Variants in SEC24B observed in about 807,000 individuals in gnomAD.
SEC24B encodes protein transport protein Sec24B.
SEC24B carries 45 observed loss-of-function variants against 142.8 expected under a neutral mutation model. That is an observed-to-expected ratio of 0.32 (90% confidence interval 0.25 to 0.40). The LOEUF (loss-of-function observed/expected upper bound fraction) is 0.40, where lower values mean the gene tolerates loss of function less well. Among genes scored for constraint, SEC24B ranks in the 10% least tolerant of loss-of-function variants. SEC24B has a pLI of 1.00. For missense variants in SEC24B, 1,409 were observed against 1,526.8 expected (o/e 0.92, Z 1.29); for synonymous variants, 574 against 568.2 (o/e 1.01, Z -0.15).
intron 3 of SEC24B, among the ~76,000 whole-genome samples, chr4:109,479,377 G>A (rs950583390): frequency 6.6e-6 from 1 of 152,256 alleles, no homozygotes; most frequent in East Asian, 1.9e-4. Context: ...TGAGCTCTGG[G>A]AAAGGATGTC....
chr4:109,458,803 T>G (rs944568256), intron 1 of SEC24B, among the ~76,000 whole-genome samples: 1 of 151,750 alleles, frequency 6.6e-6, no homozygotes, highest in Admixed American at 6.6e-5. Flanking sequence ...TCGGGAAGAT[T>G]AAGATGATTT....
intron 1 of SEC24B, among the ~76,000 whole-genome samples, chr4:109,458,214 T>A (rs1730901952): frequency 6.6e-6 from 1 of 152,200 alleles, no homozygotes; most frequent in South Asian, 2.1e-4. Flanking sequence ...CATATTTATT[T>A]GTTTTATTTT....
chr4:109,460,073 T>C (rs1347473539), intron 1 of SEC24B, among the ~76,000 whole-genome samples: 1 of 152,130 alleles, frequency 6.6e-6, no homozygotes, highest in Non-Finnish European at 1.5e-5. Context: ...CCTAGTAAAA[T>C]AGCGTTATCA....
intron 17 of SEC24B, 63 bp from the exon 18 acceptor site, chr4:109,527,256 TTTG>T (rs1266909247): frequency 9.2e-7 from 1 of 1,085,400 alleles, no homozygotes; most frequent in Admixed American, 2.2e-5. Context: ...AAAAAAAGTA[TTTG>T]ACATGTTTGC....
intron 4 of SEC24B, among the ~76,000 whole-genome samples, chr4:109,483,003 C>CACACACACACACACATAT (rs1408633373): frequency 7.1e-5 from 6 of 84,104 alleles, no homozygotes; most frequent in South Asian, 3.4e-4. Flanking sequence ...CACACACACA[C>CACACACACACACACATAT]ATATTATACA....
chr4:109,502,343 A>C (rs1257490190), intron 6 of SEC24B, among the ~76,000 whole-genome samples: 10 of 152,212 alleles, frequency 6.6e-5, no homozygotes, highest in Admixed American at 6.5e-4. Context: ...TCTAATTTAC[A>C]TATTTAGAAA....
intron 4 of SEC24B, among the ~76,000 whole-genome samples, chr4:109,484,051 A>G (rs1275077165): frequency 6.6e-6 from 1 of 152,242 alleles, no homozygotes; most frequent in Admixed American, 6.5e-5. Context: ...ATGCAATAAT[A>G]TCTGATAACA....
chr4:109,449,116 A>G (rs1171206547), intron 1 of SEC24B, among the ~76,000 whole-genome samples: 4 of 152,210 alleles, frequency 2.6e-5, no homozygotes, highest in Non-Finnish European at 5.9e-5. Context: ...GGTTTACGTG[A>G]TACCAGCTTG....
At chr4:109,461,448 A>G (rs1036099789) in intron 1 of SEC24B, among the ~76,000 whole-genome samples, 2 of 152,238 alleles carry the variant, frequency 1.3e-5, no homozygotes, top group East Asian at 3.8e-4. Context: ...ATATTCATCA[A>G]TGGAGATTTG....
Position 109,478,127 on chromosome 4 carries a change from T to TA in SEC24B, c.1061-3541dup, listed in dbSNP as rs937762427. Among the ~76,000 whole-genome samples, 12 of 150,824 alleles carry TA rather than the reference T, an allele frequency of 8.0e-5. 1 individual carries two copies. The South Asian group carries it at 1.0e-3, about 13-fold the overall frequency. ...TGAAACCTCATCTCTACCAAAAATGTAAAAAAAAATTAGCTGGGCGTGATG... is the reference window on the plus strand; with the variant it reads ...TGAAACCTCATCTCTACCAAAAATGTAAAAAAAAAATTAGCTGGGCGTGATG... On this transcript the variant is annotated intron_variant, in intron 3 of 23. Transcript: ENST00000265175.
chr4:109,462,943 T>C lies in SEC24B; in HGVS notation c.176T>C (p.Leu59Ser). 1 of 1,612,680 alleles carries C rather than the reference T, an allele frequency of 6.2e-7. No individual in the cohort carries two copies. Among genetic ancestry groups the C allele is most frequent in the Non-Finnish European group, 8.5e-7 (1 of 1,179,990 alleles). ...NQMQVPSGYGLHHQNYIAPSG... is the reference protein window; with the variant it reads ...NQMQVPSGYGSHHQNYIAPSG... ...ATGCAGGTTCCATCTGGATATGGAT[T>C]GCATCATCAAAACTATATTGCTCCC... Residue 59 changes from leucine to serine, a missense_variant, in exon 2 of 24, where the codon TTG becomes TCG. Leu to Ser is a moderately radical substitution (Grantham distance 145, BLOSUM62 -2). Around this residue, in one of 2 missense-constraint regions of SEC24B, gnomAD observed 709 missense variants for 673.5 expected, o/e 1.05. Transcript: ENST00000265175.
At chr4:109,533,714 T>G (rs746775713) in intron 22 of SEC24B, 29 bp downstream of exon 22, 1 of 1,266,422 alleles carries the variant, frequency 7.9e-7, no homozygotes, top group South Asian at 1.3e-5. Context: ...CCTTTAACTT[T>G]TTGTTTGCTC....
At position 109,433,860 on chromosome 4, in the gene SEC24B, C is replaced by T. The variant is rs1728094906; in HGVS notation, c.-10C>T. ...CCTGAAGCGGAGCCGCCGTCGCCAC[C>T]AGCGCCGTCATGTCGGCCCCCGCCG... On this transcript the variant is annotated 5_prime_UTR_variant, in exon 1 of 24. Coordinates refer to ENST00000265175, the MANE Select transcript of SEC24B (RefSeq NM_006323.5). 2 of 1,323,606 alleles carry T rather than the reference C, an allele frequency of 1.5e-6. No homozygotes were observed. The highest frequency in any genetic ancestry group is 3.2e-5 in the East Asian group (1 of 30,882). The allele number at this position is 1,323,606 out of a possible 1,614,324, so 82.0% of individuals were successfully genotyped here.
intron 2 of SEC24B, 49 bp from the exon 3 acceptor site, chr4:109,472,955 T>TATTA (rs1180373224): frequency 1.1e-6 from 1 of 917,126 alleles, no homozygotes; most frequent in East Asian, 2.9e-5. Flanking sequence ...CTATATTATA[T>TATTA]ATTAATATAT....
chr4:109,494,371 T>C (rs1281269138), intron 5 of SEC24B, among the ~76,000 whole-genome samples: 1 of 151,566 alleles, frequency 6.6e-6, no homozygotes, highest in Non-Finnish European at 1.5e-5. Flanking sequence ...TAAAAAGGAA[T>C]AAAAAAAAGA....
rs1236753722 is a variant in SEC24B at position 109,455,987 on chromosome 4, A to C, written c.134-6914A>C. On this transcript the variant is annotated intron_variant, in intron 1 of 23. Transcript: ENST00000265175. ...TCAAAATTGAGATAAGTTACATCAT[A>C]ATATCAAGTCTTCTAATCCATGAAC... 2.6e-5 allele frequency among the ~76,000 whole-genome samples: 4 copies of C among 152,340 alleles called. No homozygotes were observed. The East Asian group carries it at 7.7e-4, about 29-fold the overall frequency.
intron 23 of SEC24B, among the ~76,000 whole-genome samples, chr4:109,538,873 C>T (rs1316178103): frequency 1.3e-5 from 2 of 152,164 alleles, no homozygotes; most frequent in South Asian, 2.1e-4. Context: ...CAGCCTGGAC[C>T]TCCCATGCTC....
At chr4:109,529,593 G>C (rs935199564) in intron 18 of SEC24B, among the ~76,000 whole-genome samples, 1 of 152,054 alleles carries the variant, frequency 6.6e-6, no homozygotes, top group Non-Finnish European at 1.5e-5. Flanking sequence ...AGGATCACAA[G>C]GTATAATTCA....
intron 4 of SEC24B, among the ~76,000 whole-genome samples, chr4:109,486,180 G>A (rs1211970899): frequency 6.6e-6 from 1 of 152,174 alleles, no homozygotes; most frequent in African/African-American, 2.4e-5. Context: ...TGGAGTAGGT[G>A]TTATTATGAA....
Sources: gnomAD v4.1 joint callset for allele counts (sites outside exome capture counted in the v4.1 genomes callset) on GRCh38, gnomAD v4.1.1 for gene constraint, gnomAD v4.1.1 regional missense constraint, MANE v1.5 for transcripts, NCBI Gene and HGNC (gene_info 2026-07-23, HGNC 2026-07-21) for gene names.